Variants in DYNC1I1 observed in about 807,000 individuals in gnomAD.
The protein encoded by DYNC1I1 is cytoplasmic dynein 1 intermediate chain 1.
DYNC1I1 carries 43 observed loss-of-function variants against 86.6 expected under a neutral mutation model. That is an observed-to-expected ratio of 0.50 (90% CI 0.39 to 0.64). The LOEUF is 0.64. Among genes scored for constraint, DYNC1I1 ranks in the 30% least tolerant of loss-of-function variants. The pLI, the probability that DYNC1I1 is intolerant of heterozygous loss-of-function variation, is 0.00. For missense variants in DYNC1I1, 604 were observed against 788.8 expected (o/e 0.77, Z 2.81); for synonymous variants, 262 against 283.7 (o/e 0.92, Z 0.77).
chr7:95,847,548 G>A (rs1789466205), intron 5 of DYNC1I1, among the ~76,000 whole-genome samples: 1 of 152,054 alleles, frequency 6.6e-6, no homozygotes, highest in Non-Finnish European at 1.5e-5. Context: ...TTTAAATGTT[G>A]TCTTGCAGCT....
At chr7:95,780,422 C>T (rs1363151256) in intron 1 of DYNC1I1, among the ~76,000 whole-genome samples, 1 of 146,188 alleles carries the variant, frequency 6.8e-6, no homozygotes, top group African/African-American at 2.6e-5. Context: ...CGCCCACCAC[C>T]ACACCCGGCT....
intron 16 of DYNC1I1, among the ~76,000 whole-genome samples, chr7:96,087,732 C>A (rs1235708163): frequency 1.3e-5 from 2 of 152,124 alleles, no homozygotes; most frequent in African/African-American, 2.4e-5. Context: ...AAGCATCAAG[C>A]TTTTCAACTG....
intron 13 of DYNC1I1, among the ~76,000 whole-genome samples, chr7:96,037,355 A>C (rs1794950027): frequency 6.6e-6 from 1 of 152,214 alleles, no homozygotes; most frequent in South Asian, 2.1e-4. Context: ...GTGCATTGTT[A>C]GGTTCTGCAA....
At chr7:96,030,330 T>TTGTGTGTGTGTGTGTGTG (rs200496803) in intron 11 of DYNC1I1, among the ~76,000 whole-genome samples, 1 of 135,400 alleles carries the variant, frequency 7.4e-6, no homozygotes, top group Non-Finnish European at 1.6e-5. Context: ...AATGGTAGAG[T>TTGTGTGTGTGTGTGTGTG]TGTGTGTGTG....
At chr7:96,092,347 A>C (rs1358180499) in intron 16 of DYNC1I1, among the ~76,000 whole-genome samples, 1 of 152,168 alleles carries the variant, frequency 6.6e-6, no homozygotes, top group East Asian at 1.9e-4. Flanking sequence ...AGCTTATTAC[A>C]TTTTTTTGTT....
At chr7:96,095,104 A>C (rs755065117) in intron 16 of DYNC1I1, among the ~76,000 whole-genome samples, 6 of 152,212 alleles carry the variant, frequency 3.9e-5, no homozygotes, top group Admixed American at 6.5e-5. Flanking sequence ...AGAAAGTCAC[A>C]TGTAGTTCAC....
downstream of DYNC1I1, among the ~76,000 whole-genome samples, chr7:96,100,356 TTTCCTTCC>T (rs372153684): frequency 1.3e-5 from 2 of 150,834 alleles, no homozygotes; most frequent in African/African-American, 4.9e-5. Context: ...CCTTCCTTCC[TTTCCTTCC>T]TTCCTTCCTT....
At chr7:95,850,742 G>A (rs1050731137) in intron 5 of DYNC1I1, among the ~76,000 whole-genome samples, 1 of 152,100 alleles carries the variant, frequency 6.6e-6, no homozygotes, top group Non-Finnish European at 1.5e-5. Flanking sequence ...ACAGATAAAC[G>A]ATTCATTCTT....
rs1793857841 is a variant in DYNC1I1, at chr7:95,995,990, G to C, written c.886G>C (p.Ala296Pro). Residue 296 changes from alanine to proline, a missense_variant, in exon 10 of 17, where the codon GCT (alanine) becomes CCT (proline). Transcript: ENST00000447467. ...MVASYNNNED[A>P]PHEPDGVALV... The stretch of plus-strand genomic sequence containing the variant: ...GGCTTCTTACAACAACAATGAAGAT[G>C]CTCCCCATGAACCAGATGGAGTGGC... 1 of 1,611,134 alleles carries C rather than the reference G, an allele frequency of 6.2e-7. No homozygotes were observed. The highest frequency in any genetic ancestry group is 1.3e-5 in the African/African-American group (1 of 74,690).
At chr7:96,075,787 G>C (rs1447218360) in intron 14 of DYNC1I1, among the ~76,000 whole-genome samples, 1 of 152,132 alleles carries the variant, frequency 6.6e-6, no homozygotes, top group Non-Finnish European at 1.5e-5. Flanking sequence ...CACCTGTCTG[G>C]AATGTCTCAT....
chr7:96,026,130 A>T (rs1794676791), intron 10 of DYNC1I1, among the ~76,000 whole-genome samples: 1 of 152,190 alleles, frequency 6.6e-6, no homozygotes, highest in Admixed American at 6.5e-5. Context: ...TCTTTAATTC[A>T]GTATCATTAT....
rs138176986 is a variant in DYNC1I1 at position 95,924,460 on chromosome 7, A to G, written c.491-53052A>G. On this transcript the variant is annotated intron_variant, in intron 6 of 16. Coordinates refer to ENST00000447467, the MANE Select transcript of DYNC1I1 (RefSeq NM_001135556.2). ...TTATGTTGGATTGTTATTAGAGTAT[A>G]TTATTAAGGTTACTTTCATCTTTTC... is the stretch of plus-strand genomic sequence containing the variant. Among the ~76,000 whole-genome samples the G allele has an allele frequency of 2.6e-5, 4 of 152,292 alleles. No individual in the cohort carries two copies. In the East Asian group the frequency reaches 7.7e-4, roughly 29 times the overall value.
intron 6 of DYNC1I1, among the ~76,000 whole-genome samples, chr7:95,975,042 T>C (rs375896722): frequency 6.6e-6 from 1 of 152,200 alleles, no homozygotes; most frequent in Non-Finnish European, 1.5e-5. Context: ...AAGCGGGATG[T>C]GGTTGCAGTT....
chr7:96,094,660 T>G (rs1422083033), intron 16 of DYNC1I1, among the ~76,000 whole-genome samples: 1 of 152,206 alleles, frequency 6.6e-6, no homozygotes, highest in African/African-American at 2.4e-5. Flanking sequence ...AGATGATACT[T>G]AAAGTACTTC....
intron 1 of DYNC1I1, among the ~76,000 whole-genome samples, chr7:95,783,274 A>G (rs1454800749): frequency 1.3e-5 from 2 of 152,232 alleles, no homozygotes; most frequent in African/African-American, 2.4e-5. Flanking sequence ...GCTTACAAAT[A>G]TAAATTTTAC....
chr7:96,022,887 T>C lies in DYNC1I1; in HGVS notation c.970-5288T>C, dbSNP rs115731767. ...CTTGTCTCAATAATAATAATAATAATAATATAAAGAAAAAAAGACCCTTTC... is the reference window on the plus strand; with the variant it reads ...CTTGTCTCAATAATAATAATAATAACAATATAAAGAAAAAAAGACCCTTTC... On this transcript the variant is annotated intron_variant, in intron 10 of 16. Transcript: ENST00000447467. Among the ~76,000 whole-genome samples, 675 of 151,400 alleles carry C rather than the reference T, an allele frequency of 4.5e-3. 6 individuals are homozygous for C. The highest frequency in any genetic ancestry group is 0.015 in the African/African-American group (636 of 41,282).
intron 6 of DYNC1I1, among the ~76,000 whole-genome samples, chr7:95,941,746 T>A (rs935542937): frequency 1.3e-5 from 2 of 152,206 alleles, no homozygotes; most frequent in Non-Finnish European, 1.5e-5. Flanking sequence ...CCTGACCACT[T>A]GCGCTTCCCA....
intron 5 of DYNC1I1, among the ~76,000 whole-genome samples, chr7:95,844,421 A>G (rs1422495333): frequency 6.6e-6 from 1 of 152,168 alleles, no homozygotes; most frequent in Admixed American, 6.6e-5. Context: ...TGCCTAGTGG[A>G]TTCTTCCTGC....
chr7:95,990,497 C>A (rs141611832), intron 9 of DYNC1I1, among the ~76,000 whole-genome samples: 9 of 152,314 alleles, frequency 5.9e-5, no homozygotes, highest in African/African-American at 2.2e-4. Context: ...ATGCCCTCTA[C>A]TTCTTGCTTA....
Sources: allele counts gnomAD v4.1 joint callset (sites outside exome capture counted in the v4.1 genomes callset), GRCh38; gene constraint gnomAD v4.1.1; transcripts MANE v1.5; gene names NCBI Gene and HGNC (gene_info 2026-07-23, HGNC 2026-07-21).